Variants in TAF1L observed in about 807,000 individuals in gnomAD.
TAF1L encodes TATA-box binding protein associated factor 1 like.
TAF1L carries 30 observed loss-of-function variants against 128.8 expected under a neutral mutation model. The observed-to-expected ratio is 0.23, with a 90% CI of 0.17 to 0.32. The LOEUF (loss-of-function observed/expected upper bound fraction) is 0.32. Among genes scored for constraint, TAF1L ranks in the 10% least tolerant of loss-of-function variants. The probability of loss-of-function intolerance (pLI) is 1.00; values close to 1 mark genes in which losing one functional copy is unlikely to be tolerated. For synonymous variants in TAF1L, 764 were observed against 790.7 expected, an observed-to-expected ratio of 0.97 and a Z score of 0.57; for missense variants, 2,099 against 2,253.7, an observed-to-expected ratio of 0.93 and a Z score of 1.39.
chr9:32,633,308 A>G lies in TAF1L; in HGVS notation c.2272T>C (p.Leu758=), dbSNP rs1242618066. The change falls in exon 1 of 1, where the codon TTA becomes CTA. Residue 758 remains leucine (L), a synonymous_variant. Transcript: ENST00000242310. ...PFLGSLHPGQ[L]LQALENNLFR... ...AGGTTGTTCTCAAGTGCCTGCAGTAATTGGCCAGGATGGAGAGAGCCCAAG... is the reference window on the plus strand; with the variant it reads ...AGGTTGTTCTCAAGTGCCTGCAGTAGTTGGCCAGGATGGAGAGAGCCCAAG... 6.2e-7 allele frequency: 1 copy of G among 1,614,210 alleles called. No homozygotes were observed. Among genetic ancestry groups the G allele is most frequent in the East Asian group, 2.2e-5 (1 of 44,884 alleles).
rs769791382 is a variant in TAF1L at position 32,631,886 on chromosome 9, C to T, written c.3694G>A (p.Asp1232Asn). The change falls in exon 1 of 1, where the codon GAT (aspartate) becomes AAT (asparagine). Residue 1232 changes from aspartate (D) to asparagine (N), a missense_variant. Physicochemically the swap from Asp to Asn is conservative, Grantham distance 23. Coordinates refer to ENST00000242310, the MANE Select transcript of TAF1L (RefSeq NM_153809.2). This position sits in a 1 kb window ranked among gnomAD's most constrained non-coding sequence, Gnocchi z 4.1. The part of the protein sequence containing the change: ...EKFIQKFALF[D>N]EKHREEMRKE... ...CGCATCTCTTCCCGATGTTTTTCAT[C>T]AAAAAGGGCAAATTTTTGAATGAAT... 1.9e-6 allele frequency: 3 copies of T among 1,614,176 alleles called. No homozygotes were observed. The highest frequency in any genetic ancestry group is 1.7e-6 in the Non-Finnish European group (2 of 1,180,036).
rs1417865989 is a variant in TAF1L at position 32,631,272 on chromosome 9, G to A, written c.4308C>T (p.Tyr1436=). 6.2e-7 allele frequency: 1 copy of A among 1,614,166 alleles called. No individual in the cohort carries two copies. Among genetic ancestry groups the A allele is most frequent in the Non-Finnish European group, 8.5e-7 (1 of 1,180,040 alleles). Residue 1436 remains tyrosine (Y), a synonymous_variant, in exon 1 of 1, where the codon TAC becomes TAT. Transcript: ENST00000242310. The surrounding 1 kb of genome is among the most constrained non-coding windows in gnomAD (Gnocchi z 4.1). Reference sequence around the variant, plus strand: ...CCATTGGCCGAGTGATGATTTTGTAGTAGTCCTTTACAACCTTTGCATTGA... The same window carrying A: ...CCATTGGCCGAGTGATGATTTTGTAATAGTCCTTTACAACCTTTGCATTGA... ...TPVNAKVVKD[Y]YKIITRPMDL...
In TAF1L at chr9:32,634,806, C is replaced by T. The variant is rs1357609940; in HGVS notation, c.774G>A (p.Val258=). 5 of 1,614,160 alleles carry T rather than the reference C, an allele frequency of 3.1e-6. No homozygotes were observed. The highest frequency in any genetic ancestry group is 1.6e-4 in the Middle Eastern group (1 of 6,062). ...ELFPEFRPGK[V]LRFLHLFGPG... Reference sequence around the variant, plus strand: ...GTCCAAAAAGATGTAGGAAGCGTAACACTTTTCCAGGTCGAAATTCTGGAA... The same window carrying T: ...GTCCAAAAAGATGTAGGAAGCGTAATACTTTTCCAGGTCGAAATTCTGGAA... Residue 258 remains valine, a synonymous_variant, in exon 1 of 1, where the codon GTG becomes GTA. Coordinates refer to ENST00000242310, the MANE Select transcript of TAF1L (RefSeq NM_153809.2).
Position 32,630,986 on chromosome 9 carries a change from T to C in TAF1L, c.4594A>G (p.Asn1532Asp). ...GCCATCATTTTCTGGGTGACAATGT[T>C]GTCCAGAATGAAAGAAAATGCCACT... ...DQVAFSFILD[N>D]IVTQKMMAVP... The change falls in exon 1 of 1, where the codon AAC becomes GAC. Residue 1532 changes from asparagine to aspartate, a missense_variant. This residue lies in a region of TAF1L where 404 missense variants were observed against 406.5 expected (regional missense o/e 0.99). Coordinates refer to ENST00000242310, the MANE Select transcript of TAF1L (RefSeq NM_153809.2). 6.2e-7 allele frequency: 1 copy of C among 1,614,218 alleles called. No individual in the cohort carries two copies. The highest frequency in any genetic ancestry group is 8.5e-7 in the Non-Finnish European group (1 of 1,180,040).
Position 32,634,964 on chromosome 9 carries a change from A to G in TAF1L, c.616T>C (p.Ser206Pro). 1.9e-6 allele frequency: 3 copies of G among 1,614,156 alleles called. No individual in the cohort carries two copies. Among genetic ancestry groups the G allele is most frequent in the Non-Finnish European group, 2.5e-6 (3 of 1,180,040 alleles). The stretch of plus-strand genomic sequence containing the variant: ...GGTCCCATCTCAGATTCTGAATCAG[A>G]GTAACTACTGAAATCCACTTTCTCT... Reference protein sequence around the residue: ...ASEKVDFSSYSDSESEMGPQE... With the variant: ...ASEKVDFSSYPDSESEMGPQE... The change falls in exon 1 of 1, where the codon TCT becomes CCT. Residue 206 changes from serine (S) to proline (P), a missense_variant. By Grantham distance (74) the Ser-to-Pro change is moderately conservative (BLOSUM62 -1). Transcript: ENST00000242310.
In TAF1L at chr9:32,632,462, A is replaced by G. The variant is rs1822530022; in HGVS notation, c.3118T>C (p.Ser1040Pro). 2.5e-6 allele frequency: 4 copies of G among 1,614,200 alleles called. No individual in the cohort carries two copies. The highest frequency in any genetic ancestry group is 3.4e-6 in the Non-Finnish European group (4 of 1,180,038). ...GVPEEEIKKL[S>P]RWEVIDVVRT... ...ACCACATCAATCACTTCCCAGCGGG[A>G]CAACTTTTTAATCTCTTCCTCAGGC... Residue 1040 changes from serine (S) to proline (P), a missense_variant, in exon 1 of 1, where the codon TCC (serine) becomes CCC (proline). Coordinates refer to ENST00000242310, the MANE Select transcript of TAF1L (RefSeq NM_153809.2). The surrounding 1 kb of genome is among the most constrained non-coding windows in gnomAD (Gnocchi z 4.4).
rs1822538738 is a variant in TAF1L, at chr9:32,633,140, T to G, written c.2440A>C (p.Asn814His). The G allele has an allele frequency of 3.1e-6, 5 of 1,614,080 alleles. No individual in the cohort carries two copies. The highest frequency in any genetic ancestry group is 4.2e-6 in the Non-Finnish European group (5 of 1,180,022). ...ATATGCATATTGGCCCTTCTGGAGTTAGGCCCAGGAACTTCAAACAAGGGA... is the reference window on the plus strand; with the variant it reads ...ATATGCATATTGGCCCTTCTGGAGTGAGGCCCAGGAACTTCAAACAAGGGA... ...QCPLFEVPGPNSRRANMHIRD... is the reference protein window; with the variant it reads ...QCPLFEVPGPHSRRANMHIRD... The change falls in exon 1 of 1, where the codon AAC becomes CAC. Residue 814 changes from asparagine to histidine, a missense_variant. Around this residue, in one of 4 missense-constraint regions of TAF1L, gnomAD observed 1,213 missense variants for 1,391.4 expected, o/e 0.87. Transcript: ENST00000242310.
rs990631849 is a variant in TAF1L at position 32,631,867 on chromosome 9, T to G, written c.3713A>C (p.Glu1238Ala). ...FALFDEKHRE[E>A]MRKERRRIQE... ...AATCCTCCGCCGTTCTTTCCGCATC[T>G]CTTCCCGATGTTTTTCATCAAAAAG... The change falls in exon 1 of 1, where the codon GAG becomes GCG. Residue 1238 changes from glutamate to alanine, a missense_variant. Glu to Ala is a moderately radical substitution (Grantham distance 107, BLOSUM62 -1). Around this residue, in one of 4 missense-constraint regions of TAF1L, gnomAD observed 1,213 missense variants for 1,391.4 expected, o/e 0.87. Coordinates refer to ENST00000242310, the MANE Select transcript of TAF1L (RefSeq NM_153809.2). This position sits in a 1 kb window ranked among gnomAD's most constrained non-coding sequence, Gnocchi z 4.1. The G allele has an allele frequency of 5.0e-6, 8 of 1,614,228 alleles. No homozygotes were observed. The highest frequency in any genetic ancestry group is 6.8e-6 in the Non-Finnish European group (8 of 1,180,044).
rs145326638 is a variant in TAF1L, at chr9:32,630,741, C to T, written c.4839G>A (p.Gln1613=). ...GPESQYTKTA[Q]EIVNICYQTI... ...TCTGGTAACAGATGTTCACAATCTC[C>T]TGAGCAGTCTTAGTGTACTGACTCT... is the stretch of plus-strand genomic sequence containing the variant. Residue 1613 remains glutamine, a synonymous_variant, in exon 1 of 1, where the codon CAG becomes CAA. Transcript: ENST00000242310. 135 of 1,614,196 alleles carry T rather than the reference C, an allele frequency of 8.4e-5. No homozygotes were observed. The African/African-American group carries it at 1.6e-3, about 19-fold the overall frequency.
chr9:32,631,847 T>G lies in TAF1L; in HGVS notation c.3733A>C (p.Arg1245=). 6.2e-7 allele frequency: 1 copy of G among 1,614,224 alleles called. No individual in the cohort carries two copies. Among genetic ancestry groups the G allele is most frequent in the South Asian group, 1.1e-5 (1 of 91,082 alleles). Residue 1245 remains arginine (R), a synonymous_variant, in exon 1 of 1, where the codon AGG becomes CGG. Transcript: ENST00000242310. The surrounding 1 kb of genome is among the most constrained non-coding windows in gnomAD (Gnocchi z 4.1). The stretch of plus-strand genomic sequence containing the variant: ...AGCCGCCTCAGTTGCTCTTGAATCC[T>G]CCGCCGTTCTTTCCGCATCTCTTCC... The part of the protein sequence containing the change: ...HREEMRKERR[R]IQEQLRRLKR...
At position 32,630,392 on chromosome 9, in the gene TAF1L, C is replaced by A. The variant is rs1308504389; in HGVS notation, c.5188G>T (p.Gly1730Trp). The change falls in exon 1 of 1, where the codon GGG (glycine) becomes TGG (tryptophan). Residue 1730 changes from glycine to tryptophan, a missense_variant. Coordinates refer to ENST00000242310, the MANE Select transcript of TAF1L (RefSeq NM_153809.2). ...VEGYDDEEED[G>W]KPKPPAPEGG... ...TCTGGGGCTGGAGGCTTAGGTTTCC[C>A]ATCCTCCTCCTCATCATCATACCCT... 1 of 1,614,078 alleles carries A rather than the reference C, an allele frequency of 6.2e-7. No homozygotes were observed. Among genetic ancestry groups the A allele is most frequent in the African/African-American group, 1.3e-5 (1 of 74,922 alleles).
Position 32,632,463 on chromosome 9 carries a change from C to A in TAF1L, c.3117G>T (p.Leu1039Phe), listed in dbSNP as rs1456964467. 1.9e-6 allele frequency: 3 copies of A among 1,614,254 alleles called. No homozygotes were observed. Among genetic ancestry groups the A allele is most frequent in the Admixed American group, 1.7e-5 (1 of 60,026 alleles). The change falls in exon 1 of 1, where the codon TTG becomes TTT. Residue 1039 changes from leucine (L) to phenylalanine (F), a missense_variant. This residue lies in a region of TAF1L where 1,213 missense variants were observed against 1,391.4 expected (regional missense o/e 0.87). Coordinates refer to ENST00000242310, the MANE Select transcript of TAF1L (RefSeq NM_153809.2). The surrounding 1 kb of genome is among the most constrained non-coding windows in gnomAD (Gnocchi z 4.4). ...FGVPEEEIKK[L>F]SRWEVIDVVR... ...CCACATCAATCACTTCCCAGCGGGA[C>A]AACTTTTTAATCTCTTCCTCAGGCA...
Position 32,633,624 on chromosome 9 carries a change from G to C in TAF1L, c.1956C>G (p.Pro652=), listed in dbSNP as rs759642368. The change falls in exon 1 of 1, where the codon CCC becomes CCG. Residue 652 remains proline (P), a synonymous_variant. Transcript: ENST00000242310. ...YSFGALSQPG[P]HSVQPLLKHI... is the part of the protein sequence containing the mutation. ...GCTTTAGCAAAGGTTGGACTGAATG[G>C]GGACCTGGCTGAGAGAGTGCACCAA... The C allele has an allele frequency of 2.5e-6, 4 of 1,614,112 alleles. No individual in the cohort carries two copies. The South Asian group carries it at 4.4e-5, about 18-fold the overall frequency.
Position 32,631,465 on chromosome 9 carries a change from T to C in TAF1L, c.4115A>G (p.Lys1372Arg). The change falls in exon 1 of 1, where the codon AAG becomes AGG. Residue 1372 changes from lysine to arginine, a missense_variant. By Grantham distance (26) the Lys-to-Arg change is conservative (BLOSUM62 2). Coordinates refer to ENST00000242310, the MANE Select transcript of TAF1L (RefSeq NM_153809.2). This position sits in a 1 kb window ranked among gnomAD's most constrained non-coding sequence, Gnocchi z 4.1. ...LKFPKQQLPP[K>R]KKRRVGTTVH... ...AGTGGTTCCAACTCGCCGTTTCTTC[T>C]TTGGAGGAAGCTGCTGTTTAGGAAA... 6.2e-7 allele frequency: 1 copy of C among 1,614,224 alleles called. No individual in the cohort carries two copies. Among genetic ancestry groups the C allele is most frequent in the Non-Finnish European group, 8.5e-7 (1 of 1,180,042 alleles).
Position 32,631,752 on chromosome 9 carries a change from A to G in TAF1L, c.3828T>C (p.Arg1276=), listed in dbSNP as rs1564011088. 1.9e-6 allele frequency: 3 copies of G among 1,614,094 alleles called. No homozygotes were observed. The highest frequency in any genetic ancestry group is 2.5e-6 in the Non-Finnish European group (3 of 1,180,020). The part of the protein sequence containing the change: ...PEKKPKKMKE[R]PDLKLKCGAC... The stretch of plus-strand genomic sequence containing the variant: ...CCCCACATTTCAGTTTTAGGTCAGG[A>G]CGCTCTTTCATTTTCTTGGGCTTCT... Residue 1276 remains arginine, a synonymous_variant, in exon 1 of 1, where the codon CGT becomes CGC. Coordinates refer to ENST00000242310, the MANE Select transcript of TAF1L (RefSeq NM_153809.2). This position sits in a 1 kb window ranked among gnomAD's most constrained non-coding sequence, Gnocchi z 4.1.
Position 32,632,739 on chromosome 9 carries a change from G to A in TAF1L, c.2841C>T (p.His947=), listed in dbSNP as rs370891182. The A allele has an allele frequency of 7.4e-6, 12 of 1,614,082 alleles. No individual in the cohort carries two copies. In the African/African-American group the frequency reaches 1.2e-4, roughly 16 times the overall value. ...DFQMKIDDEV[H]AAPWNTTRAF... ...CCCTTGTGGTGTTCCAAGGAGCAGC[G>A]TGAACTTCATCATCAATCTTCATCT... Residue 947 remains histidine (H), a synonymous_variant, in exon 1 of 1, where the codon CAC becomes CAT. Coordinates refer to ENST00000242310, the MANE Select transcript of TAF1L (RefSeq NM_153809.2). This position sits in a 1 kb window ranked among gnomAD's most constrained non-coding sequence, Gnocchi z 4.4.
chr9:32,631,716 G>A lies in TAF1L; in HGVS notation c.3864C>T (p.Ala1288=). 1 of 1,614,088 alleles carries A rather than the reference G, an allele frequency of 6.2e-7. No individual in the cohort carries two copies. Among genetic ancestry groups the A allele is most frequent in the Non-Finnish European group, 8.5e-7 (1 of 1,180,018 alleles). ...ATTTGTTAGTCCTCATATGTCCAAT[G>A]GCACCACATGCCCCACATTTCAGTT... ...DLKLKCGACG[A]IGHMRTNKFC... Residue 1288 remains alanine (A), a synonymous_variant, in exon 1 of 1, where the codon GCC becomes GCT. Transcript: ENST00000242310. This position sits in a 1 kb window ranked among gnomAD's most constrained non-coding sequence, Gnocchi z 4.1.
At position 32,635,567 on chromosome 9, in the gene TAF1L, A is replaced by C; in HGVS notation, c.13T>G (p.Cys5Gly). The C allele has an allele frequency of 6.2e-7, 1 of 1,612,386 alleles. No homozygotes were observed. The change falls in exon 1 of 1, where the codon TGC becomes GGC. Residue 5 changes from cysteine (C) to glycine (G), a missense_variant. Cys to Gly is a radical substitution (Grantham distance 159). Coordinates refer to ENST00000242310, the MANE Select transcript of TAF1L (RefSeq NM_153809.2). ...GCTGCTGCCCTCAGCAGCAAATCGC[A>C]GCCGGGTCGCATAAACCGGAAATAA... MRPG[C>G]DLLLRAAATV...
chr9:32,630,758 A>T lies in TAF1L; in HGVS notation c.4822T>A (p.Tyr1608Asn). The change falls in exon 1 of 1, where the codon TAC (tyrosine) becomes AAC (asparagine). Residue 1608 changes from tyrosine to asparagine, a missense_variant. Coordinates refer to ENST00000242310, the MANE Select transcript of TAF1L (RefSeq NM_153809.2). ...SVKYNGPESQYTKTAQEIVNI... is the reference protein window; with the variant it reads ...SVKYNGPESQNTKTAQEIVNI... ...ACAATCTCCTGAGCAGTCTTAGTGT[A>T]CTGACTCTCAGGTCCATTATACTTA... 6.2e-7 allele frequency: 1 copy of T among 1,614,224 alleles called. No homozygotes were observed. The highest frequency in any genetic ancestry group is 8.5e-7 in the Non-Finnish European group (1 of 1,180,042).
Sources: allele counts gnomAD v4.1 joint callset, GRCh38; gene constraint gnomAD v4.1.1; regional missense constraint gnomAD v4.1.1; non-coding constraint Gnocchi (gnomAD v3.1); transcripts MANE v1.5; gene names NCBI Gene and HGNC (gene_info 2026-07-23, HGNC 2026-07-21).